The following PKHD1 variants were observed in gnomAD, a reference collection of about 807,000 sequenced individuals.
PKHD1 encodes fibrocystin.
Under a neutral mutation model 412.0 loss-of-function variants are expected in PKHD1, and 291 were observed. That is an observed-to-expected ratio of 0.71 (90% CI 0.64 to 0.78). The LOEUF (loss-of-function observed/expected upper bound fraction) is 0.78. PKHD1 is among the 30% of genes least tolerant of loss of function. The pLI, the probability that PKHD1 is intolerant of heterozygous loss-of-function variation, is 0.00. For synonymous variants in PKHD1, 1,777 were observed against 1,821.5 expected (o/e 0.98, Z 0.62); for missense variants, 4,825 against 4,950.7 (o/e 0.97, Z 0.76).
intron 35 of PKHD1, among the ~76,000 whole-genome samples, chr6:51,994,706 C>T (rs1484485621): frequency 4.6e-5 from 7 of 152,060 alleles, no homozygotes; most frequent in South Asian, 2.1e-4. Flanking sequence ...CTCAGACTCC[C>T]GAGTAGCTAG....
At chr6:51,857,427 A>T (rs1773478166) in intron 48 of PKHD1, among the ~76,000 whole-genome samples, 1 of 152,202 alleles carries the variant, frequency 6.6e-6, no homozygotes, top group African/African-American at 2.4e-5. Context: ...TCAAAAAGGA[A>T]CTTTTTTAAG....
At chr6:51,977,433 C>T (rs1794604629) in intron 35 of PKHD1, among the ~76,000 whole-genome samples, 1 of 152,234 alleles carries the variant, frequency 6.6e-6, no homozygotes, top group South Asian at 2.1e-4. Flanking sequence ...ACAGAGCTTG[C>T]CTCCATTAGC....
intron 52 of PKHD1, among the ~76,000 whole-genome samples, chr6:51,801,639 T>TTGTGTGTG (rs140197286): frequency 8.3e-6 from 1 of 120,138 alleles, no homozygotes; most frequent in Non-Finnish European, 1.8e-5. Flanking sequence ...GCTGGCCTGA[T>TTGTGTGTG]TGTGTGTGTG....
At chr6:52,069,964 T>C (rs993286861) in intron 10 of PKHD1, among the ~76,000 whole-genome samples, 2 of 152,194 alleles carry the variant, frequency 1.3e-5, no homozygotes, top group African/African-American at 4.8e-5. Context: ...TGTCAAATTA[T>C]GTAGGGGCAA....
chr6:52,041,066 A>C (rs1257887870), intron 27 of PKHD1, among the ~76,000 whole-genome samples: 1 of 152,244 alleles, frequency 6.6e-6, no homozygotes, highest in Non-Finnish European at 1.5e-5. Context: ...CTTAAAGAAG[A>C]CAATGCTATC....
At chr6:51,943,132 T>TTA (rs1788842144) in intron 36 of PKHD1, among the ~76,000 whole-genome samples, 1 of 151,542 alleles carries the variant, frequency 6.6e-6, no homozygotes. Context: ...CTGGCCTTTA[T>TTA]TAGTCAAATC....
At chr6:52,084,754 G>T (rs1056121374) in intron 2 of PKHD1, 128 bp downstream of exon 2, 4 of 753,474 alleles carry the variant, frequency 5.3e-6, no homozygotes, top group Non-Finnish European at 7.4e-6. Context: ...TCAATTTTTT[G>T]ATTGGCAAGT....
chr6:52,074,742 T>C (rs1270185359), intron 6 of PKHD1, among the ~76,000 whole-genome samples: 1 of 152,182 alleles, frequency 6.6e-6, no homozygotes, highest in Non-Finnish European at 1.5e-5. Flanking sequence ...TCGTCTCTCT[T>C]GTCCCTACCA....
At position 52,061,120 on chromosome 6, in the gene PKHD1, G is replaced by A. The variant is rs184531293; in HGVS notation, c.1119-1078C>T. Among the ~76,000 whole-genome samples the A allele has an allele frequency of 2.6e-3, 393 of 152,262 alleles. 1 individual carries two copies. Among genetic ancestry groups the A allele is most frequent in the Non-Finnish European group, 4.4e-3 (298 of 68,016 alleles). ...TTCCTTTGAACATTATTAAATGGTC[G>A]TTAAAAACTATGATAAATATGAATT... On this transcript the variant is annotated intron_variant, in intron 14 of 66. Coordinates refer to ENST00000371117, the MANE Select transcript of PKHD1 (RefSeq NM_138694.4).
intron 60 of PKHD1, among the ~76,000 whole-genome samples, chr6:51,675,196 G>A (rs1775638337): frequency 6.6e-6 from 1 of 152,096 alleles, no homozygotes. Flanking sequence ...ACTTAAGAGG[G>A]TGACAGACTT....
At chr6:52,072,045 A>ATG in intron 8 of PKHD1, 70 bp downstream of exon 8, 1 of 862,046 alleles carries the variant, frequency 1.2e-6, no homozygotes, top group African/African-American at 1.6e-5. Context: ...AAGAGAGAGA[A>ATG]TGTGTGTGTG....
intron 12 of PKHD1, among the ~76,000 whole-genome samples, chr6:52,065,314 A>G (rs935551296): frequency 1.3e-5 from 2 of 151,562 alleles, no homozygotes; most frequent in African/African-American, 4.9e-5. Flanking sequence ...TGTCACCCCA[A>G]TTGAAGGAGA....
At chr6:51,861,791 C>A (rs1318220034) in intron 48 of PKHD1, among the ~76,000 whole-genome samples, 1 of 152,154 alleles carries the variant, frequency 6.6e-6, no homozygotes, top group African/African-American at 2.4e-5. Flanking sequence ...GAAGTATCTA[C>A]AGTTTTTGCA....
intron 52 of PKHD1, among the ~76,000 whole-genome samples, chr6:51,828,883 T>C (rs565883613): frequency 6.6e-6 from 1 of 152,060 alleles, no homozygotes; most frequent in South Asian, 2.1e-4. Context: ...AAGACCCCAA[T>C]CCAAATGGCA....
At position 51,760,223 on chromosome 6, in the gene PKHD1, G is replaced by T. The variant is rs544654661; in HGVS notation, c.8643-5285C>A. On this transcript the variant is annotated intron_variant, in intron 55 of 66. Transcript: ENST00000371117. ...GTTAGATAATATGCCATTGAACCAA[G>T]AAGCTCAATAAGTTCTGATTTCTAG... 8.5e-5 allele frequency among the ~76,000 whole-genome samples: 13 copies of T among 152,154 alleles called. No homozygotes were observed. In the East Asian group the frequency reaches 2.3e-3, roughly 27 times the overall value.
intron 60 of PKHD1, among the ~76,000 whole-genome samples, chr6:51,660,882 G>A (rs989361950): frequency 6.6e-6 from 1 of 152,060 alleles, no homozygotes; most frequent in Non-Finnish European, 1.5e-5. Flanking sequence ...ATTGGTTGTT[G>A]GTGATCGACT....
intron 47 of PKHD1, among the ~76,000 whole-genome samples, chr6:51,869,293 G>T (rs185004583): frequency 6.6e-6 from 1 of 152,134 alleles, no homozygotes; most frequent in East Asian, 1.9e-4. Flanking sequence ...ATACCTTCTT[G>T]CAAACTTCTA....
rs58801569 is a variant in PKHD1, at chr6:51,794,047, C to CTT, written c.8303-2676_8303-2675dup. ...CTTACCAGCATCTGTTGCTTTTTGACTTTTTTTTTTTTTTTTTTTGAGATG... is the reference window on the plus strand; with the variant it reads ...CTTACCAGCATCTGTTGCTTTTTGACTTTTTTTTTTTTTTTTTTTTTGAGATG... On this transcript the variant is annotated intron_variant, in intron 52 of 66. Transcript: ENST00000371117. Among the ~76,000 whole-genome samples the CTT allele has an allele frequency of 2.7e-4, 34 of 124,126 alleles. 1 individual carries two copies. Among genetic ancestry groups the CTT allele is most frequent in the African/African-American group, 8.6e-4 (29 of 33,846 alleles). The allele number at this position is 124,126 out of a possible 152,430, so 81.4% of individuals were successfully genotyped here. A position where few individuals can be genotyped will look rare whatever the true frequency, so the allele number is the denominator to read the frequency against.
intron 62 of PKHD1, among the ~76,000 whole-genome samples, chr6:51,648,639 A>G (rs543034105): frequency 6.6e-6 from 1 of 152,374 alleles, no homozygotes; most frequent in East Asian, 1.9e-4. Context: ...GACTGAAATT[A>G]GAATTAAGCA....
Sources: allele counts gnomAD v4.1 joint callset (sites outside exome capture counted in the v4.1 genomes callset), GRCh38; gene constraint gnomAD v4.1.1; transcripts MANE v1.5; gene names NCBI Gene and HGNC (gene_info 2026-07-23, HGNC 2026-07-21).